Variants in MS4A4A observed in about 807,000 individuals in gnomAD.
MS4A4A encodes the protein membrane-spanning 4-domains subfamily A member 4A.
In MS4A4A, 26 loss-of-function variants were observed where a neutral mutation model predicts 28.0. That is an observed-to-expected ratio of 0.93 (90% CI 0.68 to 1.29). The LOEUF (loss-of-function observed/expected upper bound fraction) is 1.29. MS4A4A is among the 50% of genes most tolerant of loss of function. The pLI, the probability that MS4A4A is intolerant of heterozygous loss-of-function variation, is 0.00. For missense variants in MS4A4A, 290 were observed against 293.1 expected, an observed-to-expected ratio of 0.99 and a Z score of 0.08; for synonymous variants, 86 against 100.8, an observed-to-expected ratio of 0.85 and a Z score of 0.88.
intron 1 of MS4A4A, chr11:60,282,512 T>G: frequency 8.5e-7 from 1 of 1,173,272 alleles, no homozygotes. Context: ...GAATAGTGTC[T>G]GAGAGAAGAT....
At chr11:60,292,479 C>A (rs746591378) in intron 2 of MS4A4A, 95 bp downstream of exon 2, 12 of 1,270,060 alleles carry the variant, frequency 9.4e-6, no homozygotes, top group Non-Finnish European at 1.3e-5. Flanking sequence ...CCTCATAATA[C>A]AACAGCCAAC....
intron 2 of MS4A4A, among the ~76,000 whole-genome samples, chr11:60,292,669 A>G (rs1403729050): frequency 6.6e-6 from 1 of 152,188 alleles, no homozygotes; most frequent in Non-Finnish European, 1.5e-5. Context: ...GCAAAATAAA[A>G]GGCCACCTAT....
chr11:60,296,228 T>A (rs2084904347), intron 2 of MS4A4A, among the ~76,000 whole-genome samples: 1 of 152,010 alleles, frequency 6.6e-6, no homozygotes, highest in South Asian at 2.1e-4. Flanking sequence ...AGTTATCCAT[T>A]TTATCAAGGC....
At position 60,308,769 on chromosome 11, in the gene MS4A4A, G is replaced by A. The variant is rs1462314817; in HGVS notation, c.*591G>A. ...CTTGCATGTGCACGAGCTATCATTT[G>A]AGTAAAAGTATACATGGAGTAAAAA... is the stretch of plus-strand genomic sequence containing the variant. On this transcript the variant is annotated 3_prime_UTR_variant, in exon 7 of 7. Coordinates refer to ENST00000337908, the MANE Select transcript of MS4A4A (RefSeq NM_148975.3). 6.6e-6 allele frequency: 1 copy of A among 152,156 alleles called. No individual in the cohort carries two copies. Among genetic ancestry groups the A allele is most frequent in the Non-Finnish European group, 1.5e-5 (1 of 68,046 alleles). The allele number at this position is 152,156 out of a possible 1,614,324, so 9.4% of individuals were successfully genotyped here.
rs778485379 is a variant in MS4A4A, at chr11:60,308,121, G to T, written c.663G>T (p.Leu221=). The change falls in exon 7 of 7, where the codon CTG becomes CTT. Residue 221 remains leucine (L), a synonymous_variant. Transcript: ENST00000337908. ...CCTPGGVVLI[L]PSHSHMAETA... ...TTGTTTCACAGGTTGTGTTAATTCTGCCATCACATTCTCACATGGCAGAAA... is the reference window on the plus strand; with the variant it reads ...TTGTTTCACAGGTTGTGTTAATTCTTCCATCACATTCTCACATGGCAGAAA... 2 of 1,613,900 alleles carry T rather than the reference G, an allele frequency of 1.2e-6. No homozygotes were observed. Among genetic ancestry groups the T allele is most frequent in the East Asian group, 2.2e-5 (1 of 44,874 alleles).
chr11:60,302,415 A>G (rs536769343), intron 4 of MS4A4A, 144 bp from the exon 5 acceptor site: 2 of 831,646 alleles, frequency 2.4e-6, no homozygotes, highest in Non-Finnish European at 3.7e-6. Context: ...TAGAGTTGAA[A>G]CCACAAGACA....
Position 60,306,260 on chromosome 11 carries a change from A to T in MS4A4A, c.648+59A>T, listed in dbSNP as rs906279742. The T allele has an allele frequency of 8.3e-5, 107 of 1,295,268 alleles. No homozygotes were observed. The African/African-American group carries it at 1.4e-3, about 17-fold the overall frequency. The allele number at this position is 1,295,268 out of a possible 1,614,324, so 80.2% of individuals were successfully genotyped here. A position where few individuals can be genotyped will look rare whatever the true frequency, so the allele number is the denominator to read the frequency against. ...TTAGTTTTCTATTGCTGTGTAATCG[A>T]TTACACACACTTAGAGTCTTAACAC... On this transcript the variant is annotated intron_variant, in intron 6 of 6. Transcript: ENST00000337908.
chr11:60,305,495 C>G (rs900781133), intron 5 of MS4A4A, among the ~76,000 whole-genome samples: 2 of 152,210 alleles, frequency 1.3e-5, no homozygotes, highest in Admixed American at 1.3e-4. Flanking sequence ...TCAAATCAAG[C>G]GATGTAGCAT....
intron 1 of MS4A4A, among the ~76,000 whole-genome samples, chr11:60,285,514 C>T (rs1414170631): frequency 2.6e-5 from 4 of 151,816 alleles, no homozygotes; most frequent in Non-Finnish European, 4.4e-5. Context: ...AACCAGTCCC[C>T]AATATTTCAA....
At chr11:60,303,820 C>T (rs1358809125) in intron 5 of MS4A4A, among the ~76,000 whole-genome samples, 3 of 152,216 alleles carry the variant, frequency 2.0e-5, no homozygotes, top group African/African-American at 7.2e-5. Context: ...TTCCTTACCA[C>T]GTTCTTCGCT....
chr11:60,307,958 A>G, intron 6 of MS4A4A, 149 bp from the exon 7 acceptor site: 1 of 719,438 alleles, frequency 1.4e-6, no homozygotes, highest in Non-Finnish European at 2.4e-6. Flanking sequence ...TGATCAAGAG[A>G]GTGACTGAGA....
intron 3 of MS4A4A, among the ~76,000 whole-genome samples, chr11:60,299,802 T>C (rs1335906604): frequency 6.6e-6 from 1 of 152,232 alleles, no homozygotes; most frequent in Non-Finnish European, 1.5e-5. Flanking sequence ...CAGTTACTAA[T>C]AATGTTGAAT....
At chr11:60,297,027 G>A in intron 2 of MS4A4A, 170 bp from the exon 3 acceptor site, 2 of 771,770 alleles carry the variant, frequency 2.6e-6, no homozygotes, top group Non-Finnish European at 4.1e-6. Flanking sequence ...ATATTGGTAA[G>A]ATTACATTCA....
intron 2 of MS4A4A, 80 bp downstream of exon 2, chr11:60,292,464 A>C: frequency 7.2e-7 from 1 of 1,393,054 alleles, no homozygotes; most frequent in Non-Finnish European, 9.5e-7. Context: ...ACACTGTCCC[A>C]CTAGCCTCAT....
At chr11:60,297,529 A>T (rs1294891776) in intron 3 of MS4A4A, among the ~76,000 whole-genome samples, 1 of 152,192 alleles carries the variant, frequency 6.6e-6, no homozygotes, top group East Asian at 1.9e-4. Flanking sequence ...AAATATTTAT[A>T]TATGTCAGTT....
intron 1 of MS4A4A, among the ~76,000 whole-genome samples, chr11:60,284,643 C>T (rs938811332): frequency 6.6e-6 from 1 of 152,292 alleles, no homozygotes; most frequent in Non-Finnish European, 1.5e-5. Context: ...AGAGGCGGGC[C>T]TAGAGGCTCT....
chr11:60,294,885 A>AACTACTACT (rs1554993354), intron 2 of MS4A4A, among the ~76,000 whole-genome samples: 7 of 104,642 alleles, frequency 6.7e-5, no homozygotes, highest in East Asian at 3.6e-4. Flanking sequence ...TTAGTCCTAC[A>AACTACTACT]ACTACTACTT....
chr11:60,302,560 T>A lies in MS4A4A; in HGVS notation c.389T>A (p.Val130Asp). ...TAATTGATTTTCATTCCTTTCTAGG[T>A]CCGAGGTAGTCTAGGAATGAATATC... Reference protein sequence around the residue: ...AAGIRTTKGLVRGSLGMNITS... With the variant: ...AAGIRTTKGLDRGSLGMNITS... The change falls in exon 5 of 7, where the codon GTC becomes GAC. Residue 130 changes from valine (V) to aspartate (D), a missense_variant and splice_region_variant. Coordinates refer to ENST00000337908, the MANE Select transcript of MS4A4A (RefSeq NM_148975.3). 1 of 1,613,862 alleles carries A rather than the reference T, an allele frequency of 6.2e-7. No homozygotes were observed. Among genetic ancestry groups the A allele is most frequent in the Non-Finnish European group, 8.5e-7 (1 of 1,179,914 alleles).
rs1370470257 is a variant in MS4A4A, at chr11:60,308,821, T to C, written c.*643T>C. On this transcript the variant is annotated 3_prime_UTR_variant, in exon 7 of 7. Coordinates refer to ENST00000337908, the MANE Select transcript of MS4A4A (RefSeq NM_148975.3). ...CATATTAAGCATCAGATTCAACTTA[T>C]ATTTTCTATTTCATCTTCTTCCTTT... is the stretch of plus-strand genomic sequence containing the variant. 6.6e-6 allele frequency: 1 copy of C among 152,258 alleles called. No homozygotes were observed. The highest frequency in any genetic ancestry group is 1.5e-5 in the Non-Finnish European group (1 of 68,048). The allele number at this position is 152,258 out of a possible 1,614,324, so 9.4% of individuals were successfully genotyped here.
Sources: allele counts gnomAD v4.1 joint callset (sites outside exome capture counted in the v4.1 genomes callset), GRCh38; gene constraint gnomAD v4.1.1; transcripts MANE v1.5; gene names NCBI Gene and HGNC (gene_info 2026-07-23, HGNC 2026-07-21).